WASF2: variants seen among roughly 807,000 people sequenced by gnomAD.
The protein encoded by WASF2 is actin-binding protein WASF2.
Under a neutral mutation model 45.0 loss-of-function variants are expected in WASF2, and 14 were observed. The ratio of observed to expected loss-of-function variants is 0.31; its 90% confidence interval spans 0.21 to 0.49. The LOEUF (loss-of-function observed/expected upper bound fraction) is 0.49. Among genes scored for constraint, WASF2 ranks in the 20% least tolerant of loss-of-function variants. The pLI, the probability that WASF2 is intolerant of heterozygous loss-of-function variation, is 0.99. For missense variants in WASF2, 439 were observed against 636.1 expected (o/e 0.69, Z 3.33); for synonymous variants, 200 against 236.3 (o/e 0.85, Z 1.41).
At chr1:27,463,111 T>G (rs1298863115) in intron 1 of WASF2, among the ~76,000 whole-genome samples, 10 of 152,218 alleles carry the variant, frequency 6.6e-5, no homozygotes, top group Non-Finnish European at 1.3e-4. Flanking sequence ...TGGGCCACTA[T>G]GCCTGGCCGT....
At chr1:27,466,691 A>G (rs2017615159) in intron 1 of WASF2, among the ~76,000 whole-genome samples, 1 of 152,090 alleles carries the variant, frequency 6.6e-6, no homozygotes, top group Non-Finnish European at 1.5e-5. Context: ...AACATAATGA[A>G]GCCCGTCTCT....
intron 1 of WASF2, among the ~76,000 whole-genome samples, chr1:27,471,082 C>T (rs1406343713): frequency 2.6e-5 from 4 of 151,992 alleles, no homozygotes; most frequent in South Asian, 2.1e-4. Context: ...CGGTGGCTCA[C>T]GCCTGTAATC....
At chr1:27,478,952 T>C (rs2017808987) in intron 1 of WASF2, among the ~76,000 whole-genome samples, 1 of 152,114 alleles carries the variant, frequency 6.6e-6, no homozygotes, top group Admixed American at 6.6e-5. Context: ...CTCGTCTAAT[T>C]ATATACTTCC....
rs2016798154 is a variant in WASF2, at chr1:27,414,100, T to G, written c.668+733A>C. On this transcript the variant is annotated intron_variant, in intron 6 of 8. Transcript: ENST00000618852. This position sits in a 1 kb window ranked among gnomAD's most constrained non-coding sequence, Gnocchi z 4.1. Reference sequence around the variant, plus strand: ...TCTCTGACAGCCATGATGCAGTGTATTTAGAGAAAAAACCAGGGCGACATT... The same window carrying G: ...TCTCTGACAGCCATGATGCAGTGTAGTTAGAGAAAAAACCAGGGCGACATT... Among the ~76,000 whole-genome samples, 1 of 152,186 alleles carries G rather than the reference T, an allele frequency of 6.6e-6. No individual in the cohort carries two copies. The highest frequency in any genetic ancestry group is 2.1e-4 in the South Asian group (1 of 4,834).
chr1:27,455,236 T>C (rs771740589), intron 1 of WASF2, among the ~76,000 whole-genome samples: 20 of 152,086 alleles, frequency 1.3e-4, no homozygotes, highest in Admixed American at 2.6e-4. Flanking sequence ...CCCCTTTTCA[T>C]AGGAAGGAGT....
intron 8 of WASF2, among the ~76,000 whole-genome samples, chr1:27,408,987 A>G (rs1176106479): frequency 6.6e-6 from 1 of 152,112 alleles, no homozygotes; most frequent in Non-Finnish European, 1.5e-5. Flanking sequence ...ACCCACTAGG[A>G]CAGTGATTCT....
intron 2 of WASF2, among the ~76,000 whole-genome samples, chr1:27,421,464 G>A (rs576647076): frequency 2.0e-5 from 3 of 152,120 alleles, no homozygotes. Context: ...GATCACTTGA[G>A]GCCAGAAGTT....
At chr1:27,458,130 C>T (rs1390107456) in intron 1 of WASF2, among the ~76,000 whole-genome samples, 2 of 151,362 alleles carry the variant, frequency 1.3e-5, no homozygotes, top group Non-Finnish European at 2.9e-5. Flanking sequence ...GGTAACACAG[C>T]GAAACTCTGT....
At chr1:27,433,358 C>T (rs1477723679) in intron 1 of WASF2, among the ~76,000 whole-genome samples, 18 of 152,144 alleles carry the variant, frequency 1.2e-4, no homozygotes, top group Admixed American at 7.2e-4. Context: ...CCATTCTACG[C>T]GTACTGGAGA....
intron 1 of WASF2, among the ~76,000 whole-genome samples, chr1:27,489,142 C>A (rs2017987930): frequency 6.6e-6 from 1 of 151,812 alleles, no homozygotes; most frequent in Admixed American, 6.6e-5. Flanking sequence ...CCTGGAGAAC[C>A]AAGAGGACCC....
At chr1:27,462,011 T>C (rs1356350647) in intron 1 of WASF2, among the ~76,000 whole-genome samples, 1 of 147,084 alleles carries the variant, frequency 6.8e-6, no homozygotes, top group African/African-American at 2.5e-5. Context: ...GGAGTCTCGC[T>C]CTGTCACCCA....
At chr1:27,419,453 A>G (rs1056725404) in intron 2 of WASF2, among the ~76,000 whole-genome samples, 1 of 152,236 alleles carries the variant, frequency 6.6e-6, no homozygotes, top group Non-Finnish European at 1.5e-5. Context: ...CGTCTCTACT[A>G]AAAATACAAA....
intron 1 of WASF2, among the ~76,000 whole-genome samples, chr1:27,452,933 C>T (rs1016381818): frequency 2.0e-5 from 3 of 151,678 alleles, no homozygotes; most frequent in East Asian, 2.0e-4. Flanking sequence ...TTGCCAGGCA[C>T]GGTGGCTCAC....
chr1:27,433,043 G>A (rs1314796606), intron 1 of WASF2, among the ~76,000 whole-genome samples: 1 of 152,164 alleles, frequency 6.6e-6, no homozygotes, highest in Non-Finnish European at 1.5e-5. Context: ...GATTACAGGT[G>A]TAAGCCACCA....
Position 27,440,722 on chromosome 1 carries a change from G to A in WASF2, c.-43-11789C>T, listed in dbSNP as rs993052654. ...TCCTCCAGCCTCAGAAGGTGGACACGGTGGTCTTTAAAAAATCTCTCTAAC... is the reference window on the plus strand; with the variant it reads ...TCCTCCAGCCTCAGAAGGTGGACACAGTGGTCTTTAAAAAATCTCTCTAAC... On this transcript the variant is annotated intron_variant, in intron 1 of 8. Coordinates refer to ENST00000618852, the MANE Select transcript of WASF2 (RefSeq NM_006990.5). Among the ~76,000 whole-genome samples the A allele has an allele frequency of 4.6e-5, 7 of 152,050 alleles. No homozygotes were observed. In the South Asian group the frequency reaches 1.0e-3, roughly 23 times the overall value.
At chr1:27,472,859 C>T (rs1201571064) in intron 1 of WASF2, among the ~76,000 whole-genome samples, 1 of 148,308 alleles carries the variant, frequency 6.7e-6, no homozygotes, top group Non-Finnish European at 1.5e-5. Flanking sequence ...GTAGCCCTAG[C>T]TACTTAGGAG....
At chr1:27,421,815 C>A (rs1361450147) in intron 2 of WASF2, among the ~76,000 whole-genome samples, 5 of 138,836 alleles carry the variant, frequency 3.6e-5, no homozygotes, top group Non-Finnish European at 6.3e-5. Context: ...GACTCCATCT[C>A]AAAAAAAAAA....
chr1:27,487,724 TATATTATATAATGTATATC>T (rs1296843809), intron 1 of WASF2, among the ~76,000 whole-genome samples: 1 of 123,380 alleles, frequency 8.1e-6, no homozygotes, highest in East Asian at 2.1e-4. Context: ...TGTATATCAT[TATATTATATAATGTATATC>T]ATATTATATA....
At chr1:27,485,679 T>C (rs544235619) in intron 1 of WASF2, among the ~76,000 whole-genome samples, 3 of 152,298 alleles carry the variant, frequency 2.0e-5, no homozygotes, top group Admixed American at 6.5e-5. Flanking sequence ...GACTATACAA[T>C]ATTTTTCCTT....
Sources: gnomAD v4.1 joint callset for allele counts (sites outside exome capture counted in the v4.1 genomes callset) on GRCh38, gnomAD v4.1.1 for gene constraint, Gnocchi (gnomAD v3.1) non-coding constraint, MANE v1.5 for transcripts, NCBI Gene and HGNC (gene_info 2026-07-23, HGNC 2026-07-21) for gene names.